DLEC1: variants seen among roughly 807,000 people sequenced by gnomAD.
DLEC1 encodes the protein DLEC1 cilia and flagella associated protein, also known as deleted in lung and esophageal cancer protein 1.
Under a neutral mutation model 198.1 loss-of-function variants are expected in DLEC1, and 146 were observed. That is an observed-to-expected ratio of 0.74 (90% CI 0.64 to 0.85). The LOEUF (loss-of-function observed/expected upper bound fraction) is 0.85. Ranked by LOEUF, DLEC1 falls within the 40% of genes least tolerant of loss-of-function variation. DLEC1 has a pLI of 0.00. For missense variants in DLEC1, 2,233 were observed against 2,220.0 expected (o/e 1.01, Z -0.12); for synonymous variants, 897 against 866.8 (o/e 1.03, Z -0.61).
chr3:38,044,839 A>G (rs1420279982), intron 1 of DLEC1, among the ~76,000 whole-genome samples: 1 of 152,198 alleles, frequency 6.6e-6, no homozygotes, highest in East Asian at 1.9e-4. Context: ...CTTGAGGAGT[A>G]TGTTGGGCAT....
chr3:38,086,337 G>A lies in DLEC1; in HGVS notation c.1532G>A (p.Cys511Tyr). 1.2e-6 allele frequency: 2 copies of A among 1,612,330 alleles called. No homozygotes were observed. The highest frequency in any genetic ancestry group is 1.7e-6 in the Non-Finnish European group (2 of 1,179,112). Residue 511 changes from cysteine (C) to tyrosine (Y), a missense_variant, in exon 9 of 37, where the codon TGC becomes TAC. Cys to Tyr is a radical substitution (Grantham distance 194). Transcript: ENST00000308059. ...GTGGGTTTCAGTGTTGGCAGGTTCT[G>A]CATTATGCCCAAAACAAGCTGGCCA... ...KNVGFSVGRF[C>Y]IMPKTSWPPL... is the part of the protein sequence containing the mutation.
At chr3:38,120,675 C>A in intron 34 of DLEC1, 66 bp downstream of exon 34, 2 of 1,595,450 alleles carry the variant, frequency 1.3e-6, no homozygotes, top group Non-Finnish European at 1.7e-6. Flanking sequence ...TCTGCTGGGG[C>A]CAGAGGAGGA....
rs773144418 is a variant in DLEC1 at position 38,121,839 on chromosome 3, A to AC, written c.5020+64dup. ...CCCTACAGGGCTGTGCCAAGAGAAG[A>AC]CCCCCCAGGAAGGGGCCCCTGTGCG... On this transcript the variant is annotated intron_variant, in intron 35 of 36. Transcript: ENST00000308059. The AC allele has an allele frequency of 8.0e-5, 126 of 1,582,164 alleles. 1 individual carries two copies. Among genetic ancestry groups the AC allele is most frequent in the East Asian group, 2.0e-4 (9 of 44,336 alleles).
rs753741207 is a variant in DLEC1, at chr3:38,122,418, C to CGCCCCAGCCCTCAGCCCCAG, written c.*15_*34dup. On this transcript the variant is annotated 3_prime_UTR_variant, in exon 37 of 37. Coordinates refer to ENST00000308059, the MANE Select transcript of DLEC1 (RefSeq NM_007335.4). The stretch of plus-strand genomic sequence containing the variant: ...TGTTGCCTCACCAGCCCTGAGGCTC[C>CGCCCCAGCCCTCAGCCCCAG]GCCCCAGCCCTCAGCCCCAGGCCCC... 19 of 1,613,998 alleles carry CGCCCCAGCCCTCAGCCCCAG rather than the reference C, an allele frequency of 1.2e-5. No individual in the cohort carries two copies. The African/African-American group carries it at 2.4e-4, about 20-fold the overall frequency.
At chr3:38,121,223 G>C (rs1575247830) in intron 34 of DLEC1, among the ~76,000 whole-genome samples, 1 of 152,240 alleles carries the variant, frequency 6.6e-6, no homozygotes, top group Non-Finnish European at 1.5e-5. Context: ...GTGATGCAGG[G>C]GCTGCCAGGA....
chr3:38,119,657 C>T (rs1340125452), intron 33 of DLEC1, among the ~76,000 whole-genome samples: 1 of 151,982 alleles, frequency 6.6e-6, no homozygotes, highest in African/African-American at 2.4e-5. Flanking sequence ...ATTCTCCCAC[C>T]TCGGCCTCCC....
At position 38,094,893 on chromosome 3, in the gene DLEC1, C is replaced by T; in HGVS notation, c.1934C>T (p.Ala645Val). Residue 645 changes from alanine (A) to valine (V), a missense_variant, in exon 13 of 37, where the codon GCC becomes GTC. Coordinates refer to ENST00000308059, the MANE Select transcript of DLEC1 (RefSeq NM_007335.4). ...TGCCCCCACAGGCACGTGGAGCTGG[C>T]CTTCTACTGGCAGATCATGAAGCCC... ...IIRNATHVEL[A>V]FYWQIMKPNL... The T allele has an allele frequency of 1.9e-6, 3 of 1,614,056 alleles. No homozygotes were observed. The highest frequency in any genetic ancestry group is 1.7e-6 in the Non-Finnish European group (2 of 1,179,996).
In DLEC1 at chr3:38,118,166, G is replaced by A. The variant is rs116496066; in HGVS notation, c.4704+142G>A. 1.3e-3 allele frequency: 1,149 copies of A among 917,000 alleles called. 12 individuals carry two copies. In the African/African-American group the frequency reaches 0.017, roughly 14 times the overall value. 56.8% of individuals were successfully genotyped at this position (917,000 alleles called of 1,614,324 possible). A position where few individuals can be genotyped will look rare whatever the true frequency, so the allele number is the denominator to read the frequency against. On this transcript the variant is annotated intron_variant, in intron 33 of 36. Transcript: ENST00000308059. The stretch of plus-strand genomic sequence containing the variant: ...CCTGCCATACCCTGCATGAACACTC[G>A]GGGGTGCACTCCCACCAGAGACACC...
At position 38,121,627 on chromosome 3, in the gene DLEC1, G is replaced by A. The variant is rs749623303; in HGVS notation, c.4867-1G>A. On this transcript the variant is annotated splice_acceptor_variant, in intron 34 of 36. Transcript: ENST00000308059. LOFTEE classifies it high-confidence loss of function. ...GGACAAGGTTGCCTGGTCTCCCACA[G>A]GTGGTGCCCCTGCGGGCTGTGGTGG... 3 of 1,613,046 alleles carry A rather than the reference G, an allele frequency of 1.9e-6. No individual in the cohort carries two copies. The highest frequency in any genetic ancestry group is 2.5e-6 in the Non-Finnish European group (3 of 1,179,724).
chr3:38,121,751 G>C lies in DLEC1; in HGVS notation c.4990G>C (p.Gly1664Arg), dbSNP rs752168761. The C allele has an allele frequency of 6.2e-7, 1 of 1,614,030 alleles. No individual in the cohort carries two copies. The highest frequency in any genetic ancestry group is 8.5e-7 in the Non-Finnish European group (1 of 1,179,932). The change falls in exon 35 of 37, where the codon GGG (glycine) becomes CGG (arginine). Residue 1664 changes from glycine to arginine, a missense_variant. Gly to Arg is a moderately radical substitution (Grantham distance 125). Coordinates refer to ENST00000308059, the MANE Select transcript of DLEC1 (RefSeq NM_007335.4). ...GGAGGTCTACCTGATGAACCTGAGC[G>C]GGTGCCGAAGCTACTGGACTATGCT... The part of the protein sequence containing the change: ...VREVYLMNLS[G>R]CRSYWTMLMG...
chr3:38,056,322 T>G (rs1345847304), intron 2 of DLEC1, among the ~76,000 whole-genome samples: 1 of 152,164 alleles, frequency 6.6e-6, no homozygotes, highest in African/African-American at 2.4e-5. Flanking sequence ...TTTGTTTTTG[T>G]TTTTTGAGAC....
chr3:38,062,099 T>C (rs1340563284), intron 3 of DLEC1, 70 bp from the exon 4 acceptor site: 14 of 1,525,670 alleles, frequency 9.2e-6, no homozygotes, highest in Admixed American at 5.1e-5. Context: ...GTGGTTTTAT[T>C]TGGTCATCTT....
chr3:38,120,800 T>C (rs1222202236), intron 34 of DLEC1, among the ~76,000 whole-genome samples, 191 bp downstream of exon 34: 1 of 152,152 alleles, frequency 6.6e-6, no homozygotes, highest in African/African-American at 2.4e-5. Flanking sequence ...CTCACCTGCC[T>C]CATGAGCTCA....
rs1270203816 is a variant in DLEC1, at chr3:38,116,581, ACCCCTGAGGGTGG to A, written c.3987_3999del (p.Pro1330AlafsTer97). On this transcript the variant is annotated frameshift_variant, in exon 28 of 37. Transcript: ENST00000308059. LOFTEE classifies it high-confidence loss of function. ...CGGGAATGAGCTTGTGTGCCCTGATACCCCTGAGGGTGGCTGCCTCCTCTGGTCCCCAGGCCCC... is the reference window on the plus strand; with the variant it reads ...CGGGAATGAGCTTGTGTGCCCTGATACTGCCTCCTCTGGTCCCCAGGCCCC... The A allele has an allele frequency of 6.2e-7, 1 of 1,613,714 alleles. No homozygotes were observed.
Position 38,123,135 on chromosome 3 carries a change from A to C in DLEC1, c.*723A>C, listed in dbSNP as rs369514597. The C allele has an allele frequency of 5.6e-6, 9 of 1,613,772 alleles. No individual in the cohort carries two copies. The African/African-American group carries it at 1.1e-4, about 19-fold the overall frequency. ...CACTCCGTATGCCCTGTGAAAACAA[A>C]ACTTAATTGGCTGGGCAAAGGCACC... is the stretch of plus-strand genomic sequence containing the variant. On this transcript the variant is annotated 3_prime_UTR_variant, in exon 37 of 37. Coordinates refer to ENST00000308059, the MANE Select transcript of DLEC1 (RefSeq NM_007335.4).
intron 1 of DLEC1, among the ~76,000 whole-genome samples, chr3:38,041,830 A>G (rs1700669094): frequency 1.3e-5 from 2 of 148,822 alleles, no homozygotes; most frequent in African/African-American, 5.0e-5. Context: ...CCTGGGCGAC[A>G]GAACGAGACT....
chr3:38,082,329 G>A (rs1467391049), intron 6 of DLEC1, among the ~76,000 whole-genome samples: 5 of 143,598 alleles, frequency 3.5e-5, no homozygotes, highest in African/African-American at 5.3e-5. Flanking sequence ...GCCAGGCAGA[G>A]GGGCTCCTCA....
chr3:38,072,261 G>A (rs373670873), intron 6 of DLEC1, among the ~76,000 whole-genome samples: 96 of 152,278 alleles, frequency 6.3e-4, no homozygotes, highest in East Asian at 1.2e-3. Flanking sequence ...AAGTATATGC[G>A]TCAGGTGTGA....
At chr3:38,114,191 G>A (rs571766414) in intron 25 of DLEC1, 151 bp from the exon 26 acceptor site, 6 of 636,562 alleles carry the variant, frequency 9.4e-6, no homozygotes, top group Admixed American at 2.7e-5. Flanking sequence ...TGGAGATGGC[G>A]GGAAGTGGGA....
Sources: allele counts gnomAD v4.1 joint callset (sites outside exome capture counted in the v4.1 genomes callset), GRCh38; gene constraint gnomAD v4.1.1; transcripts MANE v1.5; gene names NCBI Gene and HGNC (gene_info 2026-07-23, HGNC 2026-07-21).